The following NAA35 variants were observed in gnomAD, a reference collection of about 807,000 sequenced individuals.
NAA35 encodes the protein N-alpha-acetyltransferase 35, NatC auxiliary subunit.
NAA35 carries 18 observed loss-of-function variants against 101.7 expected under a neutral mutation model. The observed-to-expected ratio is 0.18, with a 90% CI of 0.12 to 0.26. The LOEUF (loss-of-function observed/expected upper bound fraction) is 0.26, where lower values mean the gene tolerates loss of function less well. Ranked by LOEUF, NAA35 falls within the 10% of genes least tolerant of loss-of-function variation. The probability of loss-of-function intolerance (pLI) is 1.00; values close to 1 mark genes in which losing one functional copy is unlikely to be tolerated. For synonymous variants in NAA35, 267 were observed against 273.1 expected (o/e 0.98, Z 0.22); for missense variants, 601 against 886.8 (o/e 0.68, Z 4.09).
rs1416207811 is a variant in NAA35 at position 86,009,828 on chromosome 9, C to A, written c.1224-37C>A. ...GTAATTGCTGCTGCTTTTGTTTGGG[C>A]TGAATAGATTTTAATGATGTGACTG... On this transcript the variant is annotated intron_variant, in intron 14 of 22. Transcript: ENST00000361671. The A allele has an allele frequency of 2.6e-6, 4 of 1,528,246 alleles. No homozygotes were observed. In the Admixed American group the frequency reaches 5.1e-5, roughly 19 times the overall value. The allele number at this position is 1,528,246 out of a possible 1,614,324, so 94.7% of individuals were successfully genotyped here.
At chr9:85,961,944 C>T in intron 5 of NAA35, 69 bp from the exon 6 acceptor site, 1 of 1,307,606 alleles carries the variant, frequency 7.6e-7, no homozygotes, top group Non-Finnish European at 1.0e-6. Flanking sequence ...GCCTTTGACT[C>T]TAGGATCAAT....
Position 86,001,547 on chromosome 9 carries a change from C to T in NAA35, c.1057-2038C>T, listed in dbSNP as rs573104279. ...CTCTTTGTAGGTCTGTAAGAACTTG[C>T]TTTAGGAATCTGGGTGCATATATAT... On this transcript the variant is annotated intron_variant, in intron 12 of 22. Transcript: ENST00000361671. 2.0e-5 allele frequency among the ~76,000 whole-genome samples: 3 copies of T among 152,062 alleles called. No individual in the cohort carries two copies. In the East Asian group the frequency reaches 5.8e-4, roughly 29 times the overall value.
chr9:85,988,935 A>G (rs1175743206), intron 11 of NAA35, among the ~76,000 whole-genome samples: 2 of 152,240 alleles, frequency 1.3e-5, no homozygotes, highest in African/African-American at 4.8e-5. Context: ...GTCCCTTAAG[A>G]TGTGAACAGT....
At chr9:85,951,738 C>T (rs1184265098) in intron 2 of NAA35, among the ~76,000 whole-genome samples, 1 of 152,122 alleles carries the variant, frequency 6.6e-6, no homozygotes, top group East Asian at 1.9e-4. Flanking sequence ...TCACTGCCAC[C>T]CCTGCCTCTG....
At chr9:85,952,860 A>G (rs1018697761) in intron 2 of NAA35, among the ~76,000 whole-genome samples, 2 of 152,160 alleles carry the variant, frequency 1.3e-5, no homozygotes, top group Admixed American at 1.3e-4. Context: ...TGCTTTATCA[A>G]GGTTGTTTTT....
At chr9:85,981,338 A>T (rs1033422425) in intron 11 of NAA35, among the ~76,000 whole-genome samples, 1 of 152,200 alleles carries the variant, frequency 6.6e-6, no homozygotes, top group African/African-American at 2.4e-5. Context: ...ACTATATAAT[A>T]AATGACTTCA....
intron 6 of NAA35, among the ~76,000 whole-genome samples, chr9:85,969,824 C>T (rs986055736): frequency 6.6e-5 from 10 of 151,022 alleles, no homozygotes; most frequent in East Asian, 1.9e-4. Context: ...AGTTGCACTC[C>T]ACTCCAGTCT....
At chr9:85,950,353 C>T (rs911959638) in intron 2 of NAA35, among the ~76,000 whole-genome samples, 3 of 152,226 alleles carry the variant, frequency 2.0e-5, no homozygotes, top group Non-Finnish European at 4.4e-5. Flanking sequence ...CCAAGCAACT[C>T]TCATGTCTCA....
At chr9:85,969,506 A>G (rs904759120) in intron 6 of NAA35, among the ~76,000 whole-genome samples, 1 of 152,180 alleles carries the variant, frequency 6.6e-6, no homozygotes, top group Non-Finnish European at 1.5e-5. Flanking sequence ...TGTTCTTTGC[A>G]TAATGAATTT....
At chr9:85,955,345 TATATATA>T (rs1368515895) in intron 2 of NAA35, among the ~76,000 whole-genome samples, 61 of 72,972 alleles carry the variant, frequency 8.4e-4, no homozygotes, top group African/African-American at 3.9e-3. Flanking sequence ...TATATATATA[TATATATA>T]TATATATATT....
chr9:85,942,293 A>AT lies in NAA35; in HGVS notation c.124+15dup. On this transcript the variant is annotated intron_variant, in intron 2 of 22. Coordinates refer to ENST00000361671, the MANE Select transcript of NAA35 (RefSeq NM_024635.4). ...GAAGAAGCTTGTCGAGGTGAGTCTG[A>AT]TTTTTGGATTAGAAGTTCAGCATCT... The AT allele has an allele frequency of 6.2e-7, 1 of 1,612,604 alleles. No homozygotes were observed. The highest frequency in any genetic ancestry group is 8.5e-7 in the Non-Finnish European group (1 of 1,179,506).
rs1156849814 is a variant in NAA35, at chr9:86,013,824, A to G, written c.1495A>G (p.Ile499Val). 2 of 1,614,070 alleles carry G rather than the reference A, an allele frequency of 1.2e-6. No homozygotes were observed. Among genetic ancestry groups the G allele is most frequent in the Non-Finnish European group, 1.7e-6 (2 of 1,179,906 alleles). Residue 499 changes from isoleucine (I) to valine (V), a missense_variant, in exon 17 of 23, where the codon ATT (isoleucine) becomes GTT (valine). Transcript: ENST00000361671. ...GTWVLYHNLRIMIQYLLSGFE... is the reference protein window; with the variant it reads ...GTWVLYHNLRVMIQYLLSGFE... ...CTGGGTCCTTTACCATAACCTTCGC[A>G]TTATGATACAGTACCTTCTAAGTGG...
intron 11 of NAA35, among the ~76,000 whole-genome samples, chr9:85,989,495 AAAAAC>A (rs1229101446): frequency 2.0e-5 from 3 of 151,224 alleles, no homozygotes; most frequent in South Asian, 2.1e-4. Context: ...ACAAACAAAA[AAAAAC>A]AAAGACAAAA....
At chr9:85,976,124 C>T (rs1328937007) in intron 8 of NAA35, among the ~76,000 whole-genome samples, 3 of 152,090 alleles carry the variant, frequency 2.0e-5, no homozygotes, top group East Asian at 1.9e-4. Context: ...TGTGTCTTAG[C>T]TTTACTAAAG....
chr9:85,991,964 G>A (rs1455370084), intron 11 of NAA35, among the ~76,000 whole-genome samples: 1 of 152,078 alleles, frequency 6.6e-6, no homozygotes, highest in Non-Finnish European at 1.5e-5. Flanking sequence ...CACGAGGTCA[G>A]GAGATCAAGA....
chr9:85,955,360 A>ATATT lies in NAA35; in HGVS notation c.125-999_125-998insATTT, dbSNP rs749448250. Among the ~76,000 whole-genome samples the ATATT allele has an allele frequency of 2.8e-3, 151 of 53,934 alleles. 1 individual carries two copies. Among genetic ancestry groups the ATATT allele is most frequent in the South Asian group, 6.4e-3 (5 of 786 alleles). 35.4% of individuals were successfully genotyped at this position (53,934 alleles called of 152,430 possible). ...TATATATATATATATATATATATAT[A>ATATT]TTTTTTTTTTTTTTTTTCTTCAGAC... On this transcript the variant is annotated intron_variant, in intron 2 of 22. Transcript: ENST00000361671.
At chr9:85,947,682 T>C (rs1828830597) in intron 2 of NAA35, among the ~76,000 whole-genome samples, 1 of 152,220 alleles carries the variant, frequency 6.6e-6, no homozygotes, top group African/African-American at 2.4e-5. Flanking sequence ...ATGCCAGGTA[T>C]ACTGCTCATT....
intron 3 of NAA35, among the ~76,000 whole-genome samples, chr9:85,957,988 C>G (rs189820022): frequency 6.6e-6 from 1 of 151,480 alleles, no homozygotes; most frequent in South Asian, 2.1e-4. Flanking sequence ...GTTGCCCAGG[C>G]TGGAGTGCAA....
chr9:85,979,186 C>T (rs999712219), intron 11 of NAA35, among the ~76,000 whole-genome samples: 6 of 152,158 alleles, frequency 3.9e-5, no homozygotes, highest in African/African-American at 1.4e-4. Context: ...AGTTTTGCCA[C>T]GAGAGTACGC....
Sources: gnomAD v4.1 joint callset for allele counts (sites outside exome capture counted in the v4.1 genomes callset) on GRCh38, gnomAD v4.1.1 for gene constraint, MANE v1.5 for transcripts, NCBI Gene and HGNC (gene_info 2026-07-23, HGNC 2026-07-21) for gene names.